Variants in CTNND2 observed in about 807,000 individuals in gnomAD.
CTNND2 encodes catenin delta-2.
CTNND2 carries 22 observed loss-of-function variants against 144.4 expected under a neutral mutation model. The observed-to-expected ratio is 0.15, with a 90% CI of 0.11 to 0.22. CTNND2 has a LOEUF of 0.22. Among genes scored for constraint, CTNND2 ranks in the 10% least tolerant of loss-of-function variants. CTNND2 has a pLI of 1.00. For synonymous variants in CTNND2, 751 were observed against 695.6 expected, an observed-to-expected ratio of 1.08 and a Z score of -1.25; for missense variants, 1,353 against 1,618.8, an observed-to-expected ratio of 0.84 and a Z score of 2.82.
intron 3 of CTNND2, among the ~76,000 whole-genome samples, chr5:11,437,838 C>T (rs1561393514): frequency 6.6e-6 from 1 of 152,168 alleles, no homozygotes; most frequent in Non-Finnish European, 1.5e-5. Flanking sequence ...GGGTACTAGG[C>T]TGTCCTGCTT....
At chr5:11,635,247 G>C (rs1326924306) in intron 2 of CTNND2, among the ~76,000 whole-genome samples, 1 of 152,082 alleles carries the variant, frequency 6.6e-6, no homozygotes, top group East Asian at 1.9e-4. Context: ...AATGAGTGTG[G>C]GAGTTTGTGT....
intron 5 of CTNND2, among the ~76,000 whole-genome samples, chr5:11,402,166 G>A (rs980243483): frequency 3.9e-5 from 6 of 152,152 alleles, no homozygotes; most frequent in Admixed American, 2.6e-4. Flanking sequence ...GCAAATAGAT[G>A]AGGAGCTAAA....
intron 14 of CTNND2, among the ~76,000 whole-genome samples, chr5:11,105,139 T>C (rs1752301477): frequency 1.3e-5 from 2 of 152,230 alleles, no homozygotes; most frequent in Non-Finnish European, 2.9e-5. Context: ...GCATCACTGA[T>C]GCTCATCTAG....
chr5:11,822,690 G>A (rs1410702065), intron 1 of CTNND2, among the ~76,000 whole-genome samples: 1 of 152,088 alleles, frequency 6.6e-6, no homozygotes, highest in East Asian at 1.9e-4. Flanking sequence ...TGCCATATTG[G>A]AGAGACCAGC....
chr5:11,809,584 G>A (rs1792204758), intron 1 of CTNND2, among the ~76,000 whole-genome samples: 1 of 152,122 alleles, frequency 6.6e-6, no homozygotes, highest in Non-Finnish European at 1.5e-5. Flanking sequence ...ACTGAGTCAG[G>A]GCGGACCACA....
chr5:11,370,827 C>T (rs964979926), intron 7 of CTNND2, among the ~76,000 whole-genome samples: 7 of 152,188 alleles, frequency 4.6e-5, no homozygotes, highest in African/African-American at 1.7e-4. Context: ...ATAGTATTCA[C>T]ATAGCCAGAG....
At chr5:11,662,894 T>C (rs1783354351) in intron 2 of CTNND2, among the ~76,000 whole-genome samples, 1 of 152,190 alleles carries the variant, frequency 6.6e-6, no homozygotes, top group Non-Finnish European at 1.5e-5. Flanking sequence ...ATTTCTGGTC[T>C]ACATGAAAGC....
At chr5:10,986,509 T>C in intron 20 of CTNND2, 1 of 405,400 alleles carries the variant, frequency 2.5e-6, no homozygotes, top group East Asian at 7.3e-5. Context: ...CTCAGCATAA[T>C]CAGTACAAAT....
chr5:11,493,263 T>A (rs573359481), intron 3 of CTNND2, among the ~76,000 whole-genome samples: 2 of 152,276 alleles, frequency 1.3e-5, no homozygotes, highest in African/African-American at 4.8e-5. Flanking sequence ...TACCTTTCAG[T>A]CTCACCTGCA....
intron 3 of CTNND2, among the ~76,000 whole-genome samples, chr5:11,447,691 A>G (rs1764947714): frequency 1.3e-5 from 2 of 152,130 alleles, no homozygotes; most frequent in Non-Finnish European, 2.9e-5. Flanking sequence ...CTGAGGGCGG[A>G]TGGGGGCTGT....
intron 1 of CTNND2, among the ~76,000 whole-genome samples, chr5:11,831,300 A>G (rs1031399220): frequency 6.6e-6 from 1 of 152,056 alleles, no homozygotes; most frequent in Non-Finnish European, 1.5e-5. Context: ...TACTGCCTCA[A>G]TCAAGACCCA....
At chr5:11,200,792 C>T (rs758314362) in intron 10 of CTNND2, among the ~76,000 whole-genome samples, 9 of 152,328 alleles carry the variant, frequency 5.9e-5, no homozygotes, top group Non-Finnish European at 1.0e-4. Context: ...CATTCTCCTG[C>T]CTCAGCCTCC....
At chr5:11,632,086 C>T (rs564310510) in intron 2 of CTNND2, among the ~76,000 whole-genome samples, 1 of 152,290 alleles carries the variant, frequency 6.6e-6, no homozygotes, top group South Asian at 2.1e-4. Flanking sequence ...AGAAGAATGG[C>T]AGCTCCTTGA....
At chr5:11,270,246 C>A (rs1237871979) in intron 9 of CTNND2, among the ~76,000 whole-genome samples, 1 of 151,786 alleles carries the variant, frequency 6.6e-6, no homozygotes. Context: ...TTCTTAAGTT[C>A]TAACACGTAA....
chr5:11,076,703 T>C (rs532365444), intron 16 of CTNND2, among the ~76,000 whole-genome samples: 2 of 152,332 alleles, frequency 1.3e-5, no homozygotes, highest in African/African-American at 2.4e-5. Flanking sequence ...GCGTGTTTCA[T>C]TCTGCTAGTG....
intron 2 of CTNND2, among the ~76,000 whole-genome samples, chr5:11,597,233 A>G (rs773346508): frequency 5.5e-4 from 84 of 152,290 alleles, no homozygotes; most frequent in Middle Eastern, 3.4e-3. Context: ...ATACATTGGT[A>G]TCTTAAAAAT....
intron 3 of CTNND2, among the ~76,000 whole-genome samples, chr5:11,469,975 TG>T (rs1767019810): frequency 6.6e-6 from 1 of 152,092 alleles, no homozygotes; most frequent in African/African-American, 2.4e-5. Context: ...GCTACCGGAG[TG>T]CATATCCTAT....
chr5:11,513,862 A>G (rs1451969966), intron 3 of CTNND2, among the ~76,000 whole-genome samples: 1 of 152,198 alleles, frequency 6.6e-6, no homozygotes, highest in African/African-American at 2.4e-5. Flanking sequence ...ATTAACAAGT[A>G]TTTGTATAAT....
intron 11 of CTNND2, among the ~76,000 whole-genome samples, 195 bp from the exon 12 acceptor site, chr5:11,159,954 G>A (rs1012231008): frequency 1.3e-5 from 2 of 152,200 alleles, no homozygotes; most frequent in African/African-American, 4.8e-5. Flanking sequence ...TCTGATGAGT[G>A]AGCAGAGGAA....
Sources: gnomAD v4.1 joint callset for allele counts (sites outside exome capture counted in the v4.1 genomes callset) on GRCh38, gnomAD v4.1.1 for gene constraint, MANE v1.5 for transcripts, NCBI Gene and HGNC (gene_info 2026-07-23, HGNC 2026-07-21) for gene names.